Variants in COG2 observed in about 807,000 individuals in gnomAD.
COG2 encodes conserved oligomeric Golgi complex subunit 2.
A neutral mutation model predicts 90.6 loss-of-function variants in COG2; 52 were observed. The observed-to-expected ratio is 0.57, with a 90% CI of 0.46 to 0.72. COG2 has a LOEUF of 0.72. Among genes scored for constraint, COG2 ranks in the 30% least tolerant of loss-of-function variants. The probability of loss-of-function intolerance (pLI) is 0.00; values close to 1 mark genes in which losing one functional copy is unlikely to be tolerated. For synonymous variants in COG2, 337 were observed against 320.4 expected, an observed-to-expected ratio of 1.05 and a Z score of -0.55; for missense variants, 829 against 891.2, an observed-to-expected ratio of 0.93 and a Z score of 0.89.
At position 230,663,230 on chromosome 1, in the gene COG2, A is replaced by C. The variant is rs748089560; in HGVS notation, c.381+9A>C. 6 of 1,602,254 alleles carry C rather than the reference A, an allele frequency of 3.7e-6. No individual in the cohort carries two copies. In the East Asian group the frequency reaches 1.3e-4, roughly 36 times the overall value. Reference sequence around the variant, plus strand: ...ACATTAGGAAAAAAAAGGTATACTCAAATATTACAATATTAAATCGTTGAT... The same window carrying C: ...ACATTAGGAAAAAAAAGGTATACTCCAATATTACAATATTAAATCGTTGAT... On this transcript the variant is annotated intron_variant, in intron 4 of 17. Coordinates refer to ENST00000366669, the MANE Select transcript of COG2 (RefSeq NM_007357.3).
intron 1 of COG2, among the ~76,000 whole-genome samples, chr1:230,654,298 G>A (rs936038341): frequency 3.9e-5 from 6 of 152,144 alleles, no homozygotes; most frequent in African/African-American, 1.4e-4. Flanking sequence ...TGTACAAGGT[G>A]TAAGGAAGGG....
chr1:230,691,889 C>T (rs940668152), intron 17 of COG2: 17 of 220,170 alleles, frequency 7.7e-5, no homozygotes, highest in African/African-American at 3.9e-4. Flanking sequence ...GGTGCGAACC[C>T]CAGGCTTTTG....
intron 1 of COG2, among the ~76,000 whole-genome samples, chr1:230,654,790 T>A: frequency 6.6e-6 from 1 of 152,204 alleles, no homozygotes; most frequent in South Asian, 2.1e-4. Flanking sequence ...GGTTTGTAGT[T>A]CTCCTTGAAG....
chr1:230,676,534 T>G (rs1021663432), intron 9 of COG2, among the ~76,000 whole-genome samples: 2 of 152,208 alleles, frequency 1.3e-5, no homozygotes, highest in South Asian at 2.1e-4. Flanking sequence ...GTACTTCTAT[T>G]ACGTTTTTTT....
chr1:230,664,595 T>A lies in COG2; in HGVS notation c.485+8T>A, dbSNP rs200082688. 136 of 1,396,420 alleles carry A rather than the reference T, an allele frequency of 9.7e-5. 1 individual carries two copies. In the African/African-American group the frequency reaches 1.7e-3, roughly 18 times the overall value. The allele number at this position is 1,396,420 out of a possible 1,614,324, so 86.5% of individuals were successfully genotyped here. Reference sequence around the variant, plus strand: ...TGCACTAGAAGCAAGCAGGTAAGTATTTTTTATTAAATAACTCGTAAATTA... The same window carrying A: ...TGCACTAGAAGCAAGCAGGTAAGTAATTTTTATTAAATAACTCGTAAATTA... On this transcript the variant is annotated splice_region_variant and intron_variant, in intron 5 of 17. Coordinates refer to ENST00000366669, the MANE Select transcript of COG2 (RefSeq NM_007357.3).
At chr1:230,691,592 G>C in intron 17 of COG2, 28 bp downstream of exon 17, 1 of 1,590,884 alleles carries the variant, frequency 6.3e-7, no homozygotes, top group South Asian at 1.1e-5. Context: ...GGCAGCTCCA[G>C]CGAGCCTGAA....
intron 15 of COG2, 191 bp from the exon 16 acceptor site, chr1:230,689,823 C>T (rs1351408128): frequency 7.7e-6 from 4 of 518,764 alleles, no homozygotes; most frequent in Non-Finnish European, 1.4e-5. Flanking sequence ...TGTGCTGGCT[C>T]TTCTTATTCC....
rs1347776033 is a variant in COG2 at position 230,671,451 on chromosome 1, CT to C, written c.775-64del. On this transcript the variant is annotated intron_variant, in intron 7 of 17. Transcript: ENST00000366669. ...TGTAAAGTTTTCTTTATTGTTTTCTCTGAAATAGATCGTTTGTACTTCCCTT... is the reference window on the plus strand; with the variant it reads ...TGTAAAGTTTTCTTTATTGTTTTCTCGAAATAGATCGTTTGTACTTCCCTT... 8 of 1,449,386 alleles carry C rather than the reference CT, an allele frequency of 5.5e-6. No homozygotes were observed. In the East Asian group the frequency reaches 1.4e-4, roughly 25 times the overall value. The allele number at this position is 1,449,386 out of a possible 1,614,324, so 89.8% of individuals were successfully genotyped here. A position where few individuals can be genotyped will look rare whatever the true frequency, so the allele number is the denominator to read the frequency against.
At chr1:230,659,019 GA>G (rs1164656599) in intron 1 of COG2, among the ~76,000 whole-genome samples, 7 of 151,894 alleles carry the variant, frequency 4.6e-5, no homozygotes, top group Admixed American at 2.6e-4. Flanking sequence ...GTTAGGTAGA[GA>G]AAAAAATTAA....
chr1:230,661,857 G>A (rs767017040), intron 3 of COG2, among the ~76,000 whole-genome samples: 6 of 152,060 alleles, frequency 3.9e-5, no homozygotes, highest in Non-Finnish European at 5.9e-5. Context: ...CTTCTTCTTG[G>A]CATGGAAGGA....
intron 1 of COG2, among the ~76,000 whole-genome samples, chr1:230,654,500 G>A (rs1662001319): frequency 2.0e-5 from 3 of 152,226 alleles, no homozygotes; most frequent in South Asian, 4.1e-4. Flanking sequence ...GTACCATACT[G>A]TTTTGGTTAC....
rs1663100156 is a variant in COG2 at position 230,693,712 on chromosome 1, TTAAAG to T, written c.*324_*328del. 1 of 193,520 alleles carries T rather than the reference TTAAAG, an allele frequency of 5.2e-6. No individual in the cohort carries two copies. Among genetic ancestry groups the T allele is most frequent in the Non-Finnish European group, 1.1e-5 (1 of 95,218 alleles). 12.0% of individuals were successfully genotyped at this position (193,520 alleles called of 1,614,324 possible). A position where few individuals can be genotyped will look rare whatever the true frequency, so the allele number is the denominator to read the frequency against. The stretch of plus-strand genomic sequence containing the variant: ...GGAAGAGCTGATTTCTAAAATATGA[TTAAAG>T]TAAATATATACCTATGAATATCAAG... On this transcript the variant is annotated 3_prime_UTR_variant, in exon 18 of 18. Transcript: ENST00000366669.
chr1:230,643,441 T>A (rs1025077303), intron 1 of COG2, among the ~76,000 whole-genome samples: 2 of 152,254 alleles, frequency 1.3e-5, no homozygotes, highest in Non-Finnish European at 2.9e-5. Flanking sequence ...AAAATGTTTC[T>A]ATTTAATTTC....
rs374676672 is a variant in COG2, at chr1:230,691,510, C to T, written c.2061C>T (p.Asp687=). 1.7e-4 allele frequency: 282 copies of T among 1,614,106 alleles called. No homozygotes were observed. Among genetic ancestry groups the T allele is most frequent in the South Asian group, 8.3e-4 (76 of 91,074 alleles). The part of the protein sequence containing the change: ...NPVGPSGGMS[D]DDKIRLQLAL... ...TCGGTCCCAGTGGTGGCATGAGCGA[C>T]GACGACAAAATCAGGCTGCAGTTGG... The change falls in exon 17 of 18, where the codon GAC becomes GAT. Residue 687 remains aspartate (D), a synonymous_variant. Transcript: ENST00000366669.
chr1:230,645,233 CAAA>C lies in COG2; in HGVS notation c.72+2576_72+2578del, dbSNP rs57806034. On this transcript the variant is annotated intron_variant, in intron 1 of 17. Coordinates refer to ENST00000366669, the MANE Select transcript of COG2 (RefSeq NM_007357.3). ...CCTGGGCAACAGAAAGAGACCCTGT[CAAA>C]AAAAAAAAAAAAAAAAAAAAGAAAA... is the stretch of plus-strand genomic sequence containing the variant. Among the ~76,000 whole-genome samples, 128 of 91,034 alleles carry C rather than the reference CAAA, an allele frequency of 1.4e-3. 1 individual carries two copies. Among genetic ancestry groups the C allele is most frequent in the East Asian group, 3.7e-3 (13 of 3,492 alleles). 59.7% of individuals were successfully genotyped at this position (91,034 alleles called of 152,430 possible).
chr1:230,678,690 C>G (rs577166363), intron 9 of COG2: 1 of 1,449,344 alleles, frequency 6.9e-7, no homozygotes, highest in African/African-American at 1.4e-5. Context: ...CTCAGATGGG[C>G]TTTGCCATGG....
chr1:230,656,072 A>T (rs1469811049), intron 1 of COG2, among the ~76,000 whole-genome samples: 2 of 151,502 alleles, frequency 1.3e-5, no homozygotes, highest in East Asian at 3.9e-4. Context: ...TGGTTCATTG[A>T]TTTTTTTGAA....
intron 5 of COG2, among the ~76,000 whole-genome samples, chr1:230,667,878 C>T (rs1662356797): frequency 6.6e-6 from 1 of 151,992 alleles, no homozygotes; most frequent in African/African-American, 2.4e-5. Context: ...TTATACTTCT[C>T]CTCTGCTATT....
chr1:230,689,297 T>C (rs1662964462), intron 15 of COG2, among the ~76,000 whole-genome samples: 1 of 152,240 alleles, frequency 6.6e-6, no homozygotes, highest in African/African-American at 2.4e-5. Context: ...ATAATTATTG[T>C]CTGATTTGAA....
Sources: gnomAD v4.1 joint callset for allele counts (sites outside exome capture counted in the v4.1 genomes callset) on GRCh38, gnomAD v4.1.1 for gene constraint, MANE v1.5 for transcripts, NCBI Gene and HGNC (gene_info 2026-07-23, HGNC 2026-07-21) for gene names.